Variants in KCNMB2 observed in about 807,000 individuals in gnomAD.
KCNMB2 encodes potassium calcium-activated channel subfamily M regulatory beta subunit 2.
Under a neutral mutation model 24.5 loss-of-function variants are expected in KCNMB2, and 9 were observed. That is an observed-to-expected ratio of 0.37 (90% CI 0.22 to 0.64). KCNMB2 has a LOEUF of 0.64. KCNMB2 is among the 30% of genes least tolerant of loss of function. The pLI is 0.63. For synonymous variants in KCNMB2, 109 were observed against 104.4 expected, an observed-to-expected ratio of 1.04 and a Z score of -0.27; for missense variants, 226 against 284.3, an observed-to-expected ratio of 0.79 and a Z score of 1.47.
At chr3:178,739,051 T>C (rs1297567334) in intron 1 of KCNMB2, among the ~76,000 whole-genome samples, 2 of 150,290 alleles carry the variant, frequency 1.3e-5, no homozygotes, top group African/African-American at 4.9e-5. Context: ...AAAAAAGTCA[T>C]AAGATGAAAG....
chr3:178,825,845 T>C, intron 3 of KCNMB2, 87 bp downstream of exon 3: 1 of 952,144 alleles, frequency 1.1e-6, no homozygotes, highest in South Asian at 1.9e-5. Flanking sequence ...GTCATCTTCC[T>C]CACCTTCTTT....
chr3:178,677,440 G>A (rs1407253963), intron 1 of KCNMB2, among the ~76,000 whole-genome samples: 1 of 152,158 alleles, frequency 6.6e-6, no homozygotes, highest in Non-Finnish European at 1.5e-5. Flanking sequence ...TGGGCACGTG[G>A]GAAGTCCCCA....
At chr3:178,754,189 C>CAT (rs1178498172) in intron 1 of KCNMB2, among the ~76,000 whole-genome samples, 7 of 81,462 alleles carry the variant, frequency 8.6e-5, no homozygotes, top group African/African-American at 5.5e-4. Context: ...CACACACACA[C>CAT]ACATACATAT....
intron 1 of KCNMB2, among the ~76,000 whole-genome samples, chr3:178,655,192 C>T (rs1307380241): frequency 6.8e-6 from 1 of 147,418 alleles, no homozygotes; most frequent in Admixed American, 6.9e-5. Context: ...TTAAATACAC[C>T]TTTCCATGTC....
chr3:178,823,577 C>T (rs1055669952), intron 2 of KCNMB2, among the ~76,000 whole-genome samples: 2 of 152,168 alleles, frequency 1.3e-5, no homozygotes, highest in Admixed American at 6.5e-5. Context: ...AATAAATACT[C>T]GGCCCTACAA....
chr3:178,673,128 C>A (rs905604258), intron 1 of KCNMB2, among the ~76,000 whole-genome samples: 1 of 152,134 alleles, frequency 6.6e-6, no homozygotes, highest in Non-Finnish European at 1.5e-5. Flanking sequence ...CATGCACTCT[C>A]AATTCTCTTG....
chr3:178,691,844 G>A (rs1004801042), intron 1 of KCNMB2, among the ~76,000 whole-genome samples: 4 of 152,102 alleles, frequency 2.6e-5, no homozygotes, highest in African/African-American at 9.7e-5. Flanking sequence ...TTCCATAATT[G>A]TTGAACTAAT....
chr3:178,658,106 T>C (rs371684593), intron 1 of KCNMB2, among the ~76,000 whole-genome samples: 1 of 152,316 alleles, frequency 6.6e-6, no homozygotes, highest in South Asian at 2.1e-4. Flanking sequence ...ATTGGCACTT[T>C]AGAATCCCAT....
intron 1 of KCNMB2, among the ~76,000 whole-genome samples, chr3:178,667,377 T>C (rs938936555): frequency 4.9e-4 from 75 of 152,056 alleles, no homozygotes; most frequent in African/African-American, 1.7e-3. Context: ...ATGAAAGGGG[T>C]TATGACCCTC....
chr3:178,664,637 T>C (rs145762407), intron 1 of KCNMB2, among the ~76,000 whole-genome samples: 1,825 of 152,164 alleles, frequency 0.012, 27 homozygotes, highest in South Asian at 0.042. Context: ...AAAGATTCAT[T>C]TTTTTCTACA....
intron 1 of KCNMB2, among the ~76,000 whole-genome samples, chr3:178,544,371 C>T (rs1715709647): frequency 1.3e-5 from 2 of 152,110 alleles, no homozygotes. Context: ...CAGCCACTAC[C>T]CTATTTTTCT....
At chr3:178,648,823 A>T (rs1720009607) in intron 1 of KCNMB2, among the ~76,000 whole-genome samples, 1 of 152,152 alleles carries the variant, frequency 6.6e-6, no homozygotes, top group African/African-American at 2.4e-5. Context: ...AATGTCACTT[A>T]TAGTTTGCTG....
intron 1 of KCNMB2, among the ~76,000 whole-genome samples, chr3:178,695,668 T>A (rs1721849770): frequency 6.6e-6 from 1 of 152,152 alleles, no homozygotes; most frequent in African/African-American, 2.4e-5. Context: ...AAGTTCCTCA[T>A]CTCCATCCGA....
At chr3:178,816,051 CT>C (rs575233005) in intron 2 of KCNMB2, among the ~76,000 whole-genome samples, 261 of 151,830 alleles carry the variant, frequency 1.7e-3, no homozygotes, top group Admixed American at 3.6e-3. Flanking sequence ...AGCATTTCAT[CT>C]TTTTCTATAT....
chr3:178,812,083 ATTGT>A (rs1332274728), intron 2 of KCNMB2, among the ~76,000 whole-genome samples: 4 of 151,916 alleles, frequency 2.6e-5, no homozygotes, highest in African/African-American at 7.3e-5. Context: ...TTTCTACTGG[ATTGT>A]TTGTCTTTTA....
At chr3:178,610,314 G>T (rs1399746683) in intron 1 of KCNMB2, among the ~76,000 whole-genome samples, 1 of 151,956 alleles carries the variant, frequency 6.6e-6, no homozygotes. Flanking sequence ...AAAAATATTG[G>T]TATTTTGAAT....
intron 1 of KCNMB2, among the ~76,000 whole-genome samples, chr3:178,639,015 T>C (rs898536714): frequency 6.6e-6 from 1 of 152,186 alleles, no homozygotes; most frequent in Non-Finnish European, 1.5e-5. Flanking sequence ...ATGTGTTAGA[T>C]GTCTTTCTAC....
intron 2 of KCNMB2, among the ~76,000 whole-genome samples, chr3:178,819,212 C>T (rs1468619388): frequency 6.6e-6 from 1 of 152,162 alleles, no homozygotes; most frequent in Non-Finnish European, 1.5e-5. Context: ...GGCCAATGTG[C>T]CTGAAGCCAA....
intron 1 of KCNMB2, among the ~76,000 whole-genome samples, chr3:178,756,345 AATTAGCCACT>A (rs1314579679): frequency 6.6e-6 from 1 of 151,906 alleles, no homozygotes; most frequent in Non-Finnish European, 1.5e-5. Flanking sequence ...TGTAAAGTTG[AATTAGCCACT>A]ATTCCTATGG....
Sources: gnomAD v4.1 joint callset for allele counts (sites outside exome capture counted in the v4.1 genomes callset) on GRCh38, gnomAD v4.1.1 for gene constraint, MANE v1.5 for transcripts, NCBI Gene and HGNC (gene_info 2026-07-23, HGNC 2026-07-21) for gene names.